Variants in KLHL13 observed in about 807,000 individuals in gnomAD.
KLHL13 encodes the protein kelch like family member 13.
Under a neutral mutation model 37.1 loss-of-function variants are expected in KLHL13, and 10 were observed. The ratio of observed to expected loss-of-function variants is 0.27; its 90% CI spans 0.17 to 0.46. The LOEUF is 0.46. Among genes scored for constraint, KLHL13 ranks in the 20% least tolerant of loss-of-function variants. KLHL13 has a pLI of 1.00. For missense variants in KLHL13, 360 were observed against 509.3 expected (o/e 0.71, Z 2.82); for synonymous variants, 163 against 181.2 (o/e 0.90, Z 0.81).
chrX:117,991,762 G>A, intron 1 of KLHL13, among the ~76,000 whole-genome samples: 1 of 110,680 alleles, frequency 9.0e-6, no homozygotes, highest in South Asian at 4.0e-4. Context: ...CAATTTGGGG[G>A]AGGGAGGTGG....
intron 1 of KLHL13, among the ~76,000 whole-genome samples, chrX:117,979,743 T>C (rs1203983556): frequency 9.0e-6 from 1 of 111,475 alleles, no homozygotes; most frequent in East Asian, 2.8e-4. Flanking sequence ...TGTAGAAACA[T>C]ACTATCTTAT....
intron 1 of KLHL13, among the ~76,000 whole-genome samples, chrX:118,098,935 G>A (rs1357868413): frequency 1.5e-5 from 1 of 68,466 alleles, no homozygotes; most frequent in South Asian, 1.1e-3. Context: ...TGGGGTGGGG[G>A]AAGGGGGGTG....
chrX:118,105,321 T>C (rs778173415), intron 1 of KLHL13, among the ~76,000 whole-genome samples: 1 of 112,289 alleles, frequency 8.9e-6, no homozygotes, highest in African/African-American at 3.2e-5. Context: ...TGAAAGGAAG[T>C]GTTGTGGTTA....
rs1025368013 is a variant in KLHL13, at chrX:117,993,128, G to A, written c.-55-47553C>T. Among the ~76,000 whole-genome samples, 60 of 112,275 alleles carry A rather than the reference G, an allele frequency of 5.3e-4. 1 individual carries two copies. The highest frequency in any genetic ancestry group is 1.9e-3 in the African/African-American group (59 of 30,914). On this transcript the variant is annotated intron_variant, in intron 1 of 6. Coordinates refer to the KLHL13 transcript ENST00000371882. Reference sequence around the variant, plus strand: ...AGAGGATCAGGGAAAGTTTCACAGAGGTGACATCTGAGCTGAGTATTTCAG... The same window carrying A: ...AGAGGATCAGGGAAAGTTTCACAGAAGTGACATCTGAGCTGAGTATTTCAG...
chrX:117,934,502 T>C (rs1207940886), intron 2 of KLHL13, among the ~76,000 whole-genome samples: 1 of 110,347 alleles, frequency 9.1e-6, no homozygotes, highest in African/African-American at 3.3e-5. Context: ...GCCAAGATAA[T>C]ACAGAAGCAA....
intron 2 of KLHL13, among the ~76,000 whole-genome samples, chrX:117,940,699 G>C (rs1265232018): frequency 9.0e-6 from 1 of 111,187 alleles, no homozygotes; most frequent in Non-Finnish European, 1.9e-5. Context: ...TATTCTCTTT[G>C]TAGCAATTGT....
In KLHL13 at chrX:117,921,284, G is replaced by A. The variant is rs778951093; in HGVS notation, c.241-914C>T. Among the ~76,000 whole-genome samples, 7 of 111,866 alleles carry A rather than the reference G, an allele frequency of 6.3e-5. No individual in the cohort carries two copies. The East Asian group carries it at 2.0e-3, about 31-fold the overall frequency. ...TTTTTATCTTTTATTTTTAATTTTT[G>A]TGGGTACAGAGATGTATGCTTTAGG... is the stretch of plus-strand genomic sequence containing the variant. On this transcript the variant is annotated intron_variant, in intron 2 of 6. Coordinates refer to ENST00000262820, the Ensembl canonical transcript of KLHL13.
At chrX:117,921,310 G>A (rs1036331800) in intron 2 of KLHL13, among the ~76,000 whole-genome samples, 7 of 110,997 alleles carry the variant, frequency 6.3e-5, no homozygotes, top group African/African-American at 2.3e-4. Context: ...ATGCTTTAGG[G>A]GATGGATACC....
At chrX:118,027,747 C>A (rs1424511892) in intron 1 of KLHL13, among the ~76,000 whole-genome samples, 3 of 110,521 alleles carry the variant, frequency 2.7e-5, no homozygotes, top group Non-Finnish European at 5.7e-5. Context: ...ATTATTAACA[C>A]CATTTCATAG....
chrX:117,907,787 G>GT (rs1930649590), intron 5 of KLHL13, among the ~76,000 whole-genome samples: 1 of 110,326 alleles, frequency 9.1e-6, no homozygotes, highest in Non-Finnish European at 1.9e-5. Context: ...AAATATCATT[G>GT]TAACAACAAA....
exon 1 of KLHL13, chrX:117,973,307 T>C (rs2053553745): frequency 8.3e-6 from 8 of 969,344 alleles, no homozygotes; most frequent in Non-Finnish European, 1.1e-5. Context: ...AACAACAACA[T>C]ACCTACTCAG....
intron 5 of KLHL13, among the ~76,000 whole-genome samples, chrX:117,904,941 CAGG>C (rs1030473094): frequency 3.1e-4 from 35 of 111,749 alleles, no homozygotes; most frequent in African/African-American, 9.7e-4. Flanking sequence ...TCACATATAT[CAGG>C]AGTTCTTATT....
Position 117,962,135 on chromosome X carries a change from C to T in KLHL13, c.98+10596G>A, listed in dbSNP as rs769166221. ...CTGAGGCAGGAGGATCACTTGAGTC[C>T]GGTGGTCGAGGCTGCAGGGAGCCAT... On this transcript the variant is annotated intron_variant, in intron 1 of 6. Coordinates refer to ENST00000262820, the Ensembl canonical transcript of KLHL13. 1.4e-4 allele frequency among the ~76,000 whole-genome samples: 15 copies of T among 105,284 alleles called. No homozygotes were observed. The South Asian group carries it at 2.3e-3, about 16-fold the overall frequency. The allele number at this position is 105,284 out of a possible 115,157, so 91.4% of individuals were successfully genotyped here.
chrX:117,924,927 T>C (rs540142386), intron 2 of KLHL13, among the ~76,000 whole-genome samples: 1 of 111,427 alleles, frequency 9.0e-6, no homozygotes, highest in African/African-American at 3.3e-5. Context: ...TAATGTTTAA[T>C]GTTTTTAAAC....
At chrX:117,949,392 C>T (rs955871688) in intron 1 of KLHL13, among the ~76,000 whole-genome samples, 4 of 107,203 alleles carry the variant, frequency 3.7e-5, no homozygotes, top group Non-Finnish European at 7.7e-5. Flanking sequence ...GTAGGTGGGC[C>T]AAAGCAAGAG....
At chrX:118,095,479 T>C (rs1475820494) in intron 1 of KLHL13, among the ~76,000 whole-genome samples, 2 of 110,395 alleles carry the variant, frequency 1.8e-5, no homozygotes, top group African/African-American at 6.6e-5. Flanking sequence ...TTAGACAGAT[T>C]AACGAGACAG....
chrX:118,003,222 A>G (rs1265072528), intron 1 of KLHL13, among the ~76,000 whole-genome samples: 1 of 112,276 alleles, frequency 8.9e-6, no homozygotes, highest in Middle Eastern at 4.6e-3. Flanking sequence ...TCAAAAATGA[A>G]AGGCTTCACT....
At position 118,091,477 on chromosome X, in the gene KLHL13, CA is replaced by C. The variant is rs1331206411; in HGVS notation, c.-56+25030del. Among the ~76,000 whole-genome samples, 4 of 110,399 alleles carry C rather than the reference CA, an allele frequency of 3.6e-5. No homozygotes were observed. In the East Asian group the frequency reaches 1.1e-3, roughly 31 times the overall value. On this transcript the variant is annotated intron_variant, in intron 1 of 6. Coordinates refer to the KLHL13 transcript ENST00000371882. Reference sequence around the variant, plus strand: ...AAGAACCAAATGGATCTTTTAAAAGCAAAAAATACAATAATTGTAATAAAAT... The same window carrying C: ...AAGAACCAAATGGATCTTTTAAAAGCAAAAATACAATAATTGTAATAAAAT...
chrX:118,101,408 A>C (rs928010034), intron 1 of KLHL13, among the ~76,000 whole-genome samples: 1 of 111,844 alleles, frequency 8.9e-6, no homozygotes. Flanking sequence ...CCTGTCCTCA[A>C]GGAATTCATA....
Sources: gnomAD v4.1 joint callset for allele counts (sites outside exome capture counted in the v4.1 genomes callset) on GRCh38, gnomAD v4.1.1 for gene constraint, MANE v1.5 for transcripts, NCBI Gene and HGNC (gene_info 2026-07-23, HGNC 2026-07-21) for gene names.